SNTG1: variants seen among roughly 807,000 people sequenced by gnomAD.
SNTG1 encodes gamma-1-syntrophin.
SNTG1 carries 39 observed loss-of-function variants against 74.7 expected under a neutral mutation model. That is an observed-to-expected ratio of 0.52 (90% CI 0.40 to 0.68). The LOEUF (loss-of-function observed/expected upper bound fraction) is 0.68, where lower values mean the gene tolerates loss of function less well. SNTG1 is among the 30% of genes least tolerant of loss of function. The probability of loss-of-function intolerance (pLI) is 0.00; values close to 1 mark genes in which losing one functional copy is unlikely to be tolerated. For synonymous variants in SNTG1, 254 were observed against 217.1 expected (o/e 1.17, Z -1.49); for missense variants, 685 against 609.5 (o/e 1.12, Z -1.30).
chr8:50,156,775 C>T (rs1007812259), intron 1 of SNTG1, among the ~76,000 whole-genome samples: 3 of 152,024 alleles, frequency 2.0e-5, no homozygotes, highest in Non-Finnish European at 4.4e-5. Context: ...TGAAAAGGCG[C>T]TGACATCATT....
chr8:50,796,125 T>A lies in SNTG1; in HGVS notation c.*3296T>A, dbSNP rs2131887345. The A allele has an allele frequency of 6.6e-6, 1 of 152,202 alleles. No individual in the cohort carries two copies. The highest frequency in any genetic ancestry group is 1.9e-4 in the East Asian group (1 of 5,172). The allele number at this position is 152,202 out of a possible 1,614,324, so 9.4% of individuals were successfully genotyped here. A position where few individuals can be genotyped will look rare whatever the true frequency, so the allele number is the denominator to read the frequency against. ...GATCATGAACTTTGTCTATGTTGAA[T>A]GCTGGATTTAAGAAAAGCTTGATTT... On this transcript the variant is annotated 3_prime_UTR_variant, in exon 19 of 19. Coordinates refer to ENST00000642720, the MANE Select transcript of SNTG1 (RefSeq NM_018967.5).
chr8:50,364,735 A>T (rs919559269), intron 2 of SNTG1, among the ~76,000 whole-genome samples: 3 of 152,036 alleles, frequency 2.0e-5, no homozygotes, highest in Non-Finnish European at 2.9e-5. Context: ...AAAAATATTT[A>T]AAAATACATT....
chr8:50,540,606 T>G (rs2094339799), intron 11 of SNTG1, among the ~76,000 whole-genome samples: 1 of 152,170 alleles, frequency 6.6e-6, no homozygotes, highest in East Asian at 1.9e-4. Context: ...TGTCCCACTA[T>G]GATGGTAGAT....
chr8:50,386,569 A>G (rs1347583470), intron 2 of SNTG1, among the ~76,000 whole-genome samples: 2 of 152,042 alleles, frequency 1.3e-5, no homozygotes, highest in Admixed American at 1.3e-4. Context: ...TAATTTATAA[A>G]GAAAAGGGGC....
At chr8:50,739,600 A>T (rs1282216700) in intron 17 of SNTG1, among the ~76,000 whole-genome samples, 1 of 151,860 alleles carries the variant, frequency 6.6e-6, no homozygotes, top group African/African-American at 2.4e-5. Flanking sequence ...GGATAGCATT[A>T]CGAGAAAACA....
At chr8:50,738,585 G>A (rs563860803) in intron 17 of SNTG1, among the ~76,000 whole-genome samples, 42 of 152,090 alleles carry the variant, frequency 2.8e-4, no homozygotes, top group Admixed American at 6.6e-4. Context: ...AACTGAAAAA[G>A]AGCCCACACA....
chr8:49,942,542 T>C (rs1331485933), intron 1 of SNTG1, among the ~76,000 whole-genome samples: 1 of 152,218 alleles, frequency 6.6e-6, no homozygotes, highest in Non-Finnish European at 1.5e-5. Flanking sequence ...TTTTTTCTGC[T>C]TCAAGATCCC....
intron 15 of SNTG1, among the ~76,000 whole-genome samples, chr8:50,675,875 T>C (rs1429357630): frequency 1.3e-5 from 2 of 152,068 alleles, no homozygotes; most frequent in African/African-American, 2.4e-5. Context: ...TCTCTCAGCA[T>C]TTGCTTGTCT....
chr8:50,170,262 C>T (rs778612779), intron 1 of SNTG1, among the ~76,000 whole-genome samples: 11 of 152,100 alleles, frequency 7.2e-5, no homozygotes, highest in Non-Finnish European at 1.3e-4. Context: ...ATTCAAGAGG[C>T]TTAATGTATA....
chr8:50,577,160 T>C lies in SNTG1; in HGVS notation c.811-13719T>C, dbSNP rs567017814. On this transcript the variant is annotated intron_variant, in intron 12 of 18. Coordinates refer to ENST00000642720, the MANE Select transcript of SNTG1 (RefSeq NM_018967.5). ...TAAGGTAGTTTCCTTCTATTTCTAG[T>C]ATGTGGAGTGTGTTTATCATAAAAG... Among the ~76,000 whole-genome samples, 5 of 152,264 alleles carry C rather than the reference T, an allele frequency of 3.3e-5. No homozygotes were observed. The East Asian group carries it at 9.6e-4, about 29-fold the overall frequency.
At chr8:50,502,350 A>G (rs1252657127) in intron 8 of SNTG1, among the ~76,000 whole-genome samples, 1 of 152,180 alleles carries the variant, frequency 6.6e-6, no homozygotes, top group African/African-American at 2.4e-5. Flanking sequence ...CTTACATCTT[A>G]GCTTATTTTA....
intron 17 of SNTG1, among the ~76,000 whole-genome samples, chr8:50,732,360 G>A (rs901506254): frequency 4.1e-4 from 60 of 147,936 alleles, no homozygotes; most frequent in Middle Eastern, 3.6e-3. Context: ...CAAACAGTGA[G>A]GTACTTTGGC....
chr8:50,146,550 A>T (rs1411806567), intron 1 of SNTG1, among the ~76,000 whole-genome samples: 2 of 152,028 alleles, frequency 1.3e-5, no homozygotes, highest in Non-Finnish European at 2.9e-5. Flanking sequence ...AAACAAACAA[A>T]CAAACAAACA....
intron 1 of SNTG1, among the ~76,000 whole-genome samples, chr8:49,919,157 T>C (rs1806306523): frequency 6.6e-6 from 1 of 152,074 alleles, no homozygotes; most frequent in Non-Finnish European, 1.5e-5. Context: ...TCTGTCTTAC[T>C]CACCTCCTTA....
intron 1 of SNTG1, among the ~76,000 whole-genome samples, chr8:49,976,617 G>T (rs1311794628): frequency 1.3e-5 from 2 of 152,166 alleles, no homozygotes; most frequent in Admixed American, 1.3e-4. Context: ...CTACTCTGAG[G>T]AGTGAATTTT....
chr8:50,005,259 T>A (rs1272890427), intron 1 of SNTG1, among the ~76,000 whole-genome samples: 1 of 151,654 alleles, frequency 6.6e-6, no homozygotes, highest in Non-Finnish European at 1.5e-5. Context: ...TCATCAAGAG[T>A]GTTATACAAA....
chr8:50,415,008 G>A (rs768588870), intron 4 of SNTG1, among the ~76,000 whole-genome samples: 1 of 152,074 alleles, frequency 6.6e-6, no homozygotes, highest in Non-Finnish European at 1.5e-5. Context: ...CTTTCATCTG[G>A]ATAATTGTTT....
At chr8:50,640,409 G>A (rs925466665) in intron 13 of SNTG1, among the ~76,000 whole-genome samples, 3 of 152,028 alleles carry the variant, frequency 2.0e-5, no homozygotes, top group South Asian at 2.1e-4. Context: ...GCTTTCCTGC[G>A]GAGAATTGTT....
intron 2 of SNTG1, among the ~76,000 whole-genome samples, chr8:50,217,615 A>G (rs1406040641): frequency 6.8e-6 from 1 of 146,204 alleles, no homozygotes; most frequent in Non-Finnish European, 1.5e-5. Context: ...GAATCAACTT[A>G]TGATATTAAA....
Sources: allele counts gnomAD v4.1 joint callset (sites outside exome capture counted in the v4.1 genomes callset), GRCh38; gene constraint gnomAD v4.1.1; transcripts MANE v1.5; gene names NCBI Gene and HGNC (gene_info 2026-07-23, HGNC 2026-07-21).